The following QTMAN variants were observed in gnomAD, a reference collection of about 807,000 sequenced individuals.
QTMAN encodes the protein tRNA-queuosine alpha-mannosyltransferase.
chr2:144,251,919 G>A, the QTMAN span, among the ~76,000 whole-genome samples: 2 of 152,158 alleles, frequency 1.3e-5, no homozygotes, highest in Admixed American at 6.5e-5. Flanking sequence ...GGCAAGGCCA[G>A]GTGCACTGGC....
the QTMAN span, among the ~76,000 whole-genome samples, chr2:144,282,947 G>A: frequency 6.6e-6 from 1 of 152,150 alleles, no homozygotes; most frequent in African/African-American, 2.4e-5. Context: ...TTCTGAGTTG[G>A]TGAATACATC....
At chr2:144,162,830 A>G in the QTMAN span, among the ~76,000 whole-genome samples, 1 of 152,156 alleles carries the variant, frequency 6.6e-6, no homozygotes, top group South Asian at 2.1e-4. Context: ...CTATCAGCTG[A>G]CTCAGGTAAG....
At chr2:144,177,041 T>C in the QTMAN span, 2 of 663,108 alleles carry the variant, frequency 3.0e-6, no homozygotes, top group Admixed American at 4.3e-5. Context: ...CCAGACACTT[T>C]AAAACAGCCA....
the QTMAN span, among the ~76,000 whole-genome samples, chr2:144,199,167 C>T: frequency 6.6e-6 from 1 of 152,068 alleles, no homozygotes; most frequent in African/African-American, 2.4e-5. Flanking sequence ...CCTATCTCAG[C>T]CTCCTCAGTA....
At chr2:144,205,051 A>C in the QTMAN span, among the ~76,000 whole-genome samples, 1 of 152,184 alleles carries the variant, frequency 6.6e-6, no homozygotes, top group African/African-American at 2.4e-5. Flanking sequence ...TTAAACGACG[A>C]GTTAATGGGT....
chr2:144,233,687 T>C, the QTMAN span, among the ~76,000 whole-genome samples: 6 of 152,194 alleles, frequency 3.9e-5, no homozygotes, highest in East Asian at 3.9e-4. Flanking sequence ...CAAAGAATGA[T>C]ATAGTTTGGG....
chr2:144,232,808 G>C, the QTMAN span, among the ~76,000 whole-genome samples: 1 of 152,100 alleles, frequency 6.6e-6, no homozygotes, highest in African/African-American at 2.4e-5. Flanking sequence ...TCGAATGCTT[G>C]CTCATAGTGA....
the QTMAN span, among the ~76,000 whole-genome samples, chr2:144,217,357 A>G: frequency 4.9e-4 from 75 of 152,136 alleles, 1 homozygote; most frequent in East Asian, 0.014. Context: ...GATACAATAT[A>G]AGTTAAAAAA....
chr2:144,055,281 G>C, the QTMAN span, among the ~76,000 whole-genome samples: 1 of 151,190 alleles, frequency 6.6e-6, no homozygotes, highest in African/African-American at 2.4e-5. Context: ...CCACTTAAGT[G>C]GTGACAAGTA....
chr2:144,122,779 G>C, the QTMAN span, among the ~76,000 whole-genome samples: 1 of 152,112 alleles, frequency 6.6e-6, no homozygotes, highest in Non-Finnish European at 1.5e-5. Context: ...AAGATGTATT[G>C]ATATCTCAGT....
chr2:144,190,126 T>C, the QTMAN span, among the ~76,000 whole-genome samples: 1 of 152,208 alleles, frequency 6.6e-6, no homozygotes, highest in African/African-American at 2.4e-5. Flanking sequence ...GAGCCATGAA[T>C]GGAATGTCTA....
At chr2:143,984,569 C>T in the QTMAN span, among the ~76,000 whole-genome samples, 2 of 152,146 alleles carry the variant, frequency 1.3e-5, no homozygotes, top group African/African-American at 4.8e-5. Context: ...GTCAAGGGCT[C>T]CACCCTCAAG....
chr2:144,167,432 G>A, the QTMAN span, among the ~76,000 whole-genome samples: 1 of 152,232 alleles, frequency 6.6e-6, no homozygotes, highest in South Asian at 2.1e-4. Context: ...AATTGATACG[G>A]TTTGGCTCCC....
the QTMAN span, among the ~76,000 whole-genome samples, chr2:144,205,035 C>T: frequency 6.6e-6 from 1 of 151,802 alleles, no homozygotes; most frequent in African/African-American, 2.4e-5. Flanking sequence ...AGAGATATAC[C>T]TAATGTTAAA....
the QTMAN span, among the ~76,000 whole-genome samples, chr2:144,147,263 T>TA: frequency 0.046 from 6,738 of 145,410 alleles, 483 homozygotes; most frequent in African/African-American, 0.16. Context: ...TCTTTAAGGT[T>TA]AAAAAAAAAA....
the QTMAN span, among the ~76,000 whole-genome samples, chr2:144,280,044 C>A: frequency 6.6e-6 from 1 of 152,140 alleles, no homozygotes; most frequent in Non-Finnish European, 1.5e-5. Flanking sequence ...TGGTACAAAA[C>A]CTTACTTTTT....
the QTMAN span, among the ~76,000 whole-genome samples, chr2:144,163,605 A>G: frequency 6.6e-6 from 1 of 152,234 alleles, no homozygotes; most frequent in Non-Finnish European, 1.5e-5. Flanking sequence ...AGTAGTAGGA[A>G]AAGGTTAAAT....
chr2:144,321,037 T>TA, the QTMAN span, among the ~76,000 whole-genome samples: 1 of 152,202 alleles, frequency 6.6e-6, no homozygotes, highest in South Asian at 2.1e-4. Context: ...TTTCCCAACT[T>TA]AGAAACACCC....
chr2:144,272,711 ATG>A, the QTMAN span, among the ~76,000 whole-genome samples: 9 of 151,760 alleles, frequency 5.9e-5, no homozygotes, highest in East Asian at 1.9e-4. Flanking sequence ...AATCTACATT[ATG>A]TGTGTGTGTG....
Sources: gnomAD v4.1 joint callset for allele counts (sites outside exome capture counted in the v4.1 genomes callset) on GRCh38, gnomAD v4.1.1 for gene constraint, MANE v1.5 for transcripts, NCBI Gene and HGNC (gene_info 2026-07-23, HGNC 2026-07-21) for gene names.